NDFIP2: variants seen among roughly 807,000 people sequenced by gnomAD.
The protein encoded by NDFIP2 is NEDD4 family-interacting protein 2.
In NDFIP2, 19 loss-of-function variants were observed where a neutral mutation model predicts 36.0. The observed-to-expected ratio is 0.53, with a 90% CI of 0.37 to 0.77. The LOEUF is 0.77. Ranked by LOEUF, NDFIP2 falls within the 30% of genes least tolerant of loss-of-function variation. NDFIP2 has a pLI of 0.00. For missense variants in NDFIP2, 446 were observed against 435.8 expected, an observed-to-expected ratio of 1.02 and a Z score of -0.21; for synonymous variants, 181 against 167.7, an observed-to-expected ratio of 1.08 and a Z score of -0.61.
In NDFIP2 at chr13:79,554,421, A is replaced by G. The variant is rs1876028234; in HGVS notation, c.*1908A>G. The G allele has an allele frequency of 6.6e-6, 1 of 151,780 alleles. No individual in the cohort carries two copies. The highest frequency in any genetic ancestry group is 1.5e-5 in the Non-Finnish European group (1 of 67,738). The allele number at this position is 151,780 out of a possible 1,614,324, so 9.4% of individuals were successfully genotyped here. ...AATTACTAGGAAGCTTAGCTATCAA[A>G]CATCGACTTACTAAAATTTCATTTT... On this transcript the variant is annotated 3_prime_UTR_variant, in exon 8 of 8. Transcript: ENST00000218652.
At chr13:79,547,630 T>A (rs1052927772) in intron 5 of NDFIP2, among the ~76,000 whole-genome samples, 6 of 152,156 alleles carry the variant, frequency 3.9e-5, no homozygotes, top group African/African-American at 1.4e-4. Flanking sequence ...TATCATCAAA[T>A]TCTGCCTTCC....
intron 1 of NDFIP2, among the ~76,000 whole-genome samples, chr13:79,514,470 T>C (rs1384654124): frequency 1.3e-5 from 2 of 152,070 alleles, no homozygotes; most frequent in African/African-American, 4.8e-5. Flanking sequence ...TGAGTGATTA[T>C]ATAAATAAAA....
At chr13:79,497,407 G>T (rs1873473455) in intron 1 of NDFIP2, among the ~76,000 whole-genome samples, 1 of 151,862 alleles carries the variant, frequency 6.6e-6, no homozygotes, top group Non-Finnish European at 1.5e-5. Context: ...CATTACTGTG[G>T]CTTTACCTTA....
At chr13:79,495,034 T>C (rs1873385054) in intron 1 of NDFIP2, among the ~76,000 whole-genome samples, 2 of 151,930 alleles carry the variant, frequency 1.3e-5, no homozygotes, top group African/African-American at 4.8e-5. Context: ...CTTTCTGTTA[T>C]GGTTTACTTT....
At position 79,551,135 on chromosome 13, in the gene NDFIP2, A is replaced by T; in HGVS notation, c.*2+13A>T. 6.6e-7 allele frequency: 1 copy of T among 1,519,454 alleles called. No individual in the cohort carries two copies. Among genetic ancestry groups the T allele is most frequent in the African/African-American group, 1.4e-5 (1 of 72,144 alleles). The allele number at this position is 1,519,454 out of a possible 1,614,324, so 94.1% of individuals were successfully genotyped here. Reference sequence around the variant, plus strand: ...TCTTATTGTAGAGGTAAGAAATATTAATCTGTGAACTCTGCCTATTCCCTT... The same window carrying T: ...TCTTATTGTAGAGGTAAGAAATATTTATCTGTGAACTCTGCCTATTCCCTT... On this transcript the variant is annotated intron_variant, in intron 7 of 7. Transcript: ENST00000218652.
rs1213690424 is a variant in NDFIP2, at chr13:79,533,344, T to C, written c.509T>C (p.Phe170Ser). The change falls in exon 3 of 8, where the codon TTT becomes TCT. Residue 170 changes from phenylalanine to serine, a missense_variant. Transcript: ENST00000218652. ...TTSDTEVYGEFYPVPPPYSVA... is the reference protein window; with the variant it reads ...TTSDTEVYGESYPVPPPYSVA... Reference sequence around the variant, plus strand: ...TCAGATACAGAAGTTTACGGTGAGTTTTATCCCGTGCCACCTCCCTATAGC... The same window carrying C: ...TCAGATACAGAAGTTTACGGTGAGTCTTATCCCGTGCCACCTCCCTATAGC... 6.2e-7 allele frequency: 1 copy of C among 1,609,338 alleles called. No individual in the cohort carries two copies. Among genetic ancestry groups the C allele is most frequent in the Non-Finnish European group, 8.5e-7 (1 of 1,177,798 alleles).
chr13:79,517,895 A>G (rs189414985), intron 1 of NDFIP2, among the ~76,000 whole-genome samples: 152 of 152,306 alleles, frequency 1.0e-3, no homozygotes, highest in Non-Finnish European at 1.9e-3. Context: ...GCTGTTTTGC[A>G]TATAAGATTT....
intron 1 of NDFIP2, among the ~76,000 whole-genome samples, chr13:79,504,482 A>G (rs1444913535): frequency 1.3e-5 from 2 of 152,210 alleles, no homozygotes; most frequent in African/African-American, 4.8e-5. Flanking sequence ...CAAAATCTGT[A>G]GCATTGGTGC....
At chr13:79,514,233 G>A (rs1272213736) in intron 1 of NDFIP2, among the ~76,000 whole-genome samples, 1 of 152,220 alleles carries the variant, frequency 6.6e-6, no homozygotes, top group Non-Finnish European at 1.5e-5. Context: ...CTAGCTGTTA[G>A]AGATGGCAGA....
At chr13:79,489,449 A>AC (rs1873141656) in intron 1 of NDFIP2, among the ~76,000 whole-genome samples, 1 of 151,934 alleles carries the variant, frequency 6.6e-6, no homozygotes, top group Non-Finnish European at 1.5e-5. Flanking sequence ...CAGTTGTAAG[A>AC]CCCCCCAAAT....
chr13:79,493,782 G>T (rs764420963), intron 1 of NDFIP2, among the ~76,000 whole-genome samples: 1 of 151,978 alleles, frequency 6.6e-6, no homozygotes, highest in Non-Finnish European at 1.5e-5. Context: ...AAAAAGTCTG[G>T]TATCATCTAG....
In NDFIP2 at chr13:79,553,932, T is replaced by G. The variant is rs1319133449; in HGVS notation, c.*1419T>G. On this transcript the variant is annotated 3_prime_UTR_variant, in exon 8 of 8. Transcript: ENST00000218652. The stretch of plus-strand genomic sequence containing the variant: ...ATATGGACCTTATAAAATTGATTTC[T>G]TATTTATTATTAGACATTACTACTA... The G allele has an allele frequency of 6.6e-6, 1 of 151,886 alleles. No individual in the cohort carries two copies. The highest frequency in any genetic ancestry group is 2.4e-5 in the African/African-American group (1 of 41,420). The allele number at this position is 151,886 out of a possible 1,614,324, so 9.4% of individuals were successfully genotyped here. A position where few individuals can be genotyped will look rare whatever the true frequency, so the allele number is the denominator to read the frequency against.
At chr13:79,515,868 T>C (rs1004175119) in intron 1 of NDFIP2, among the ~76,000 whole-genome samples, 50 of 145,656 alleles carry the variant, frequency 3.4e-4, no homozygotes, top group African/African-American at 1.0e-3. Context: ...GTTTTTTTTT[T>C]CCCCTAAATC....
intron 1 of NDFIP2, among the ~76,000 whole-genome samples, chr13:79,508,583 G>C (rs1409155240): frequency 6.6e-6 from 1 of 152,188 alleles, no homozygotes; most frequent in African/African-American, 2.4e-5. Flanking sequence ...GCTGGTGGGA[G>C]TGTAGTAGTG....
At chr13:79,523,331 C>G (rs1052885441) in intron 2 of NDFIP2, among the ~76,000 whole-genome samples, 1 of 152,168 alleles carries the variant, frequency 6.6e-6, no homozygotes, top group Non-Finnish European at 1.5e-5. Flanking sequence ...AGCGATTCTC[C>G]TGCCTCAGCC....
chr13:79,555,104 C>G lies in NDFIP2; in HGVS notation c.*2591C>G, dbSNP rs148125298. 68 of 151,390 alleles carry G rather than the reference C, an allele frequency of 4.5e-4. No individual in the cohort carries two copies. The highest frequency in any genetic ancestry group is 7.4e-4 in the Non-Finnish European group (50 of 67,682). The allele number at this position is 151,390 out of a possible 1,614,324, so 9.4% of individuals were successfully genotyped here. The stretch of plus-strand genomic sequence containing the variant: ...TAAGATATATTTCATTTTAGACATG[C>G]CTTCTAAGTTGTTCACAGATTTTTA... On this transcript the variant is annotated 3_prime_UTR_variant, in exon 8 of 8. Transcript: ENST00000218652.
intron 3 of NDFIP2, among the ~76,000 whole-genome samples, chr13:79,533,718 G>C (rs974453966): frequency 2.6e-5 from 4 of 152,070 alleles, no homozygotes; most frequent in East Asian, 1.9e-4. Context: ...TTAAGAAAAG[G>C]CCTGTAATGA....
intron 3 of NDFIP2, among the ~76,000 whole-genome samples, chr13:79,537,172 A>G (rs1342176221): frequency 6.6e-6 from 1 of 151,998 alleles, no homozygotes; most frequent in Non-Finnish European, 1.5e-5. Context: ...CAGTAGTGCA[A>G]TCTCAGTTCA....
In NDFIP2 at chr13:79,543,668, A is replaced by T. The variant is rs770388801; in HGVS notation, c.826A>T (p.Ile276Phe). 1 of 1,613,766 alleles carries T rather than the reference A, an allele frequency of 6.2e-7. No individual in the cohort carries two copies. The highest frequency in any genetic ancestry group is 8.5e-7 in the Non-Finnish European group (1 of 1,179,864). Residue 276 changes from isoleucine (I) to phenylalanine (F), a missense_variant, in exon 5 of 8, where the codon ATC becomes TTC. By Grantham distance (21) the Ile-to-Phe change is conservative. This residue lies in a region of NDFIP2 where 77 missense variants were observed against 131.0 expected (regional missense o/e 0.59). Transcript: ENST00000218652. The part of the protein sequence containing the change: ...CGFGLSLIKW[I>F]LIVRFSDYFT... ...ATTTGGCCTTTCCTTGATCAAATGG[A>T]TCCTTATTGTCAGGGTGAGTGTCTT... is the stretch of plus-strand genomic sequence containing the variant.
Sources: gnomAD v4.1 joint callset for allele counts (sites outside exome capture counted in the v4.1 genomes callset) on GRCh38, gnomAD v4.1.1 for gene constraint, gnomAD v4.1.1 regional missense constraint, MANE v1.5 for transcripts, NCBI Gene and HGNC (gene_info 2026-07-23, HGNC 2026-07-21) for gene names.